ROBO2: variants seen among roughly 807,000 people sequenced by gnomAD.
ROBO2 encodes the protein roundabout guidance receptor 2.
A neutral mutation model predicts 160.8 loss-of-function variants in ROBO2; 53 were observed. The ratio of observed to expected loss-of-function variants is 0.33; its 90% CI spans 0.26 to 0.41. The LOEUF is 0.41. ROBO2 is among the 10% of genes least tolerant of loss of function. ROBO2 has a pLI of 1.00. For missense variants in ROBO2, 1,577 were observed against 1,722.4 expected (o/e 0.92, Z 1.49); for synonymous variants, 664 against 611.7 (o/e 1.09, Z -1.26).
intron 2 of ROBO2, among the ~76,000 whole-genome samples, chr3:76,603,386 A>ATG (rs2087389726): frequency 7.3e-6 from 1 of 137,128 alleles, no homozygotes; most frequent in Admixed American, 7.3e-5. Flanking sequence ...ATATATATAT[A>ATG]TGAGTAGAAA....
intron 2 of ROBO2, among the ~76,000 whole-genome samples, chr3:76,521,687 G>GT (rs2081625866): frequency 6.6e-6 from 1 of 152,136 alleles, no homozygotes; most frequent in Non-Finnish European, 1.5e-5. Context: ...TCATTGCAAA[G>GT]TAAAGGCTGG....
chr3:76,580,425 C>T (rs1386060920), intron 2 of ROBO2, among the ~76,000 whole-genome samples: 6 of 129,270 alleles, frequency 4.6e-5, no homozygotes, highest in Non-Finnish European at 9.4e-5. Flanking sequence ...GCCACTTGAT[C>T]TTATGGCCTA....
chr3:76,938,119 C>T (rs972498924), intron 2 of ROBO2, among the ~76,000 whole-genome samples: 9 of 152,116 alleles, frequency 5.9e-5, no homozygotes, highest in Non-Finnish European at 1.0e-4. Context: ...GTTTCTTTGG[C>T]AGGCCGAGGC....
chr3:75,939,067 C>G (rs1012706291), intron 2 of ROBO2, among the ~76,000 whole-genome samples: 28 of 151,922 alleles, frequency 1.8e-4, no homozygotes, highest in Admixed American at 5.9e-4. Flanking sequence ...ACAACTGTTT[C>G]TCTGTAATAG....
chr3:77,608,785 G>GA (rs532958787), intron 21 of ROBO2, among the ~76,000 whole-genome samples: 18 of 151,640 alleles, frequency 1.2e-4, no homozygotes, highest in South Asian at 6.2e-4. Flanking sequence ...TAAAAATACA[G>GA]AAAAAAAGCA....
chr3:77,180,402 C>CTA (rs1365777316), intron 2 of ROBO2, among the ~76,000 whole-genome samples: 24 of 106,134 alleles, frequency 2.3e-4, no homozygotes, highest in Non-Finnish European at 4.7e-4. Context: ...CTCTCTCTCT[C>CTA]TCTCTCTCTC....
At chr3:76,664,215 A>G (rs956612844) in intron 2 of ROBO2, among the ~76,000 whole-genome samples, 1 of 152,158 alleles carries the variant, frequency 6.6e-6, no homozygotes, top group African/African-American at 2.4e-5. Flanking sequence ...CTAATTGTCT[A>G]ATTAGAGAAA....
chr3:77,202,291 A>G (rs2082986772), intron 2 of ROBO2, among the ~76,000 whole-genome samples: 1 of 152,192 alleles, frequency 6.6e-6, no homozygotes, highest in African/African-American at 2.4e-5. Context: ...CATTTTCTGC[A>G]GTGCACAACA....
At chr3:76,368,515 G>A (rs2075947924) in intron 2 of ROBO2, among the ~76,000 whole-genome samples, 1 of 151,874 alleles carries the variant, frequency 6.6e-6, no homozygotes, top group Admixed American at 6.6e-5. Flanking sequence ...ATGGCTGGAA[G>A]GCAGGGCTCA....
chr3:76,757,302 A>G (rs1260010449), intron 2 of ROBO2, among the ~76,000 whole-genome samples: 1 of 151,846 alleles, frequency 6.6e-6, no homozygotes, highest in Non-Finnish European at 1.5e-5. Flanking sequence ...ATGCAATTAC[A>G]TGATACCCAG....
chr3:77,469,772 A>C (rs2083162430), intron 2 of ROBO2, among the ~76,000 whole-genome samples: 1 of 152,162 alleles, frequency 6.6e-6, no homozygotes, highest in South Asian at 2.1e-4. Flanking sequence ...TGACATTTTA[A>C]AATCAAATTC....
chr3:76,397,351 C>A (rs1051850601), intron 2 of ROBO2, among the ~76,000 whole-genome samples: 1 of 152,016 alleles, frequency 6.6e-6, no homozygotes, highest in Non-Finnish European at 1.5e-5. Flanking sequence ...TTAAACGTTA[C>A]ACCTAAAACC....
intron 2 of ROBO2, among the ~76,000 whole-genome samples, chr3:77,205,338 C>A (rs575337640): frequency 3.3e-5 from 5 of 152,020 alleles, no homozygotes; most frequent in Non-Finnish European, 7.4e-5. Context: ...GGCTGTCCAG[C>A]GGCCAAACTC....
intron 2 of ROBO2, among the ~76,000 whole-genome samples, chr3:76,675,873 C>G (rs1370635481): frequency 6.6e-6 from 1 of 152,044 alleles, no homozygotes; most frequent in Non-Finnish European, 1.5e-5. Context: ...GGCAATTTTC[C>G]AAGTGGCTGG....
intron 1 of ROBO2, chr3:77,091,983 A>AT (rs1308029224): frequency 9.9e-6 from 1 of 101,016 alleles, no homozygotes; most frequent in Non-Finnish European, 1.9e-5. Context: ...CTGACTCAAA[A>AT]TAAATAAATA....
chr3:77,278,923 C>T (rs918451234), intron 2 of ROBO2, among the ~76,000 whole-genome samples: 8 of 152,084 alleles, frequency 5.3e-5, no homozygotes, highest in African/African-American at 1.9e-4. Context: ...TAATCGTAAT[C>T]ATGGTAACAG....
In ROBO2 at chr3:76,849,879, T is replaced by C. The variant is rs77913252; in HGVS notation, c.110-248135T>C. Among the ~76,000 whole-genome samples, 1,381 of 152,280 alleles carry C rather than the reference T, an allele frequency of 9.1e-3. 16 individuals carry two copies. The highest frequency in any genetic ancestry group is 0.024 in the Middle Eastern group (7 of 294). Reference sequence around the variant, plus strand: ...ACTTATTCTGTGCTAGCTCCTAGGATACAAGAATATATAAAGTTATTTCTA... The same window carrying C: ...ACTTATTCTGTGCTAGCTCCTAGGACACAAGAATATATAAAGTTATTTCTA... On this transcript the variant is annotated intron_variant, in intron 2 of 26. Coordinates refer to the ROBO2 transcript ENST00000487694.
At chr3:76,176,180 C>T (rs1456306108) in intron 2 of ROBO2, among the ~76,000 whole-genome samples, 12 of 151,968 alleles carry the variant, frequency 7.9e-5, no homozygotes, top group Admixed American at 2.6e-4. Flanking sequence ...AAGTCAAGGG[C>T]GCAGCTTTAT....
At chr3:77,139,434 T>G (rs953618231) in intron 2 of ROBO2, among the ~76,000 whole-genome samples, 18 of 152,162 alleles carry the variant, frequency 1.2e-4, no homozygotes, top group African/African-American at 4.1e-4. Flanking sequence ...TAACCAGCCA[T>G]TTACCTAGGG....
Sources: gnomAD v4.1 joint callset for allele counts (sites outside exome capture counted in the v4.1 genomes callset) on GRCh38, gnomAD v4.1.1 for gene constraint, MANE v1.5 for transcripts, NCBI Gene and HGNC (gene_info 2026-07-23, HGNC 2026-07-21) for gene names.